The following PTPRG variants were observed in gnomAD, a reference collection of about 807,000 sequenced individuals.
PTPRG encodes protein tyrosine phosphatase receptor type G.
In PTPRG, 102 loss-of-function variants were observed where a neutral mutation model predicts 165.3. The ratio of observed to expected loss-of-function variants is 0.62; its 90% confidence interval spans 0.53 to 0.73. The LOEUF is 0.73. PTPRG is among the 30% of genes least tolerant of loss of function. PTPRG has a pLI of 0.00. For synonymous variants in PTPRG, 675 were observed against 669.5 expected (o/e 1.01, Z -0.13); for missense variants, 1,866 against 1,861.4 (o/e 1.00, Z -0.05).
chr3:61,745,051 C>CTTTTTTTTTTTTTT (rs10669472), intron 1 of PTPRG, among the ~76,000 whole-genome samples: 11 of 111,602 alleles, frequency 9.9e-5, no homozygotes, highest in African/African-American at 2.0e-4. Flanking sequence ...CATTCCCTCA[C>CTTTTTTTTTTTTTT]TTTTTTTTTT....
At chr3:61,567,566 C>T (rs1377077395) in intron 1 of PTPRG, among the ~76,000 whole-genome samples, 5 of 147,482 alleles carry the variant, frequency 3.4e-5, no homozygotes, top group Non-Finnish European at 3.0e-5. Context: ...CTTGGGAGGC[C>T]AAGATGGGAG....
intron 2 of PTPRG, among the ~76,000 whole-genome samples, chr3:61,857,376 A>G (rs2037141008): frequency 6.6e-6 from 1 of 152,156 alleles, no homozygotes; most frequent in Non-Finnish European, 1.5e-5. Flanking sequence ...AACAACTGGT[A>G]GTGGCTCTCT....
chr3:61,818,865 T>G (rs1047149232), intron 2 of PTPRG, among the ~76,000 whole-genome samples: 1 of 91,032 alleles, frequency 1.1e-5, no homozygotes, highest in African/African-American at 5.7e-5. Context: ...TAGTGAATAG[T>G]GAAATAGTGA....
intron 2 of PTPRG, among the ~76,000 whole-genome samples, chr3:61,921,916 G>A (rs1392326333): frequency 6.6e-6 from 1 of 152,128 alleles, no homozygotes; most frequent in African/African-American, 2.4e-5. Flanking sequence ...ATTTGTACAT[G>A]TCACCTTACT....
chr3:61,601,962 G>A (rs1419847606), intron 1 of PTPRG, among the ~76,000 whole-genome samples: 1 of 152,182 alleles, frequency 6.6e-6, no homozygotes, highest in Non-Finnish European at 1.5e-5. Context: ...TTACAACAAC[G>A]CTGTTAGAGC....
intron 12 of PTPRG, among the ~76,000 whole-genome samples, chr3:62,208,566 G>A (rs930566824): frequency 3.3e-5 from 5 of 152,030 alleles, no homozygotes; most frequent in East Asian, 1.9e-4. Flanking sequence ...TTCAGGGGTC[G>A]GCATACCACA....
At chr3:62,124,685 C>G in intron 5 of PTPRG, 1 of 663,394 alleles carries the variant, frequency 1.5e-6, no homozygotes, top group Non-Finnish European at 2.6e-6. Context: ...GCCTGCTGAG[C>G]TAGCTGCGCT....
intron 1 of PTPRG, among the ~76,000 whole-genome samples, chr3:61,651,987 G>T (rs1575564561): frequency 6.6e-6 from 1 of 151,984 alleles, no homozygotes; most frequent in Non-Finnish European, 1.5e-5. Flanking sequence ...TCCAGCCTGG[G>T]CTACACAGCG....
chr3:61,919,898 A>C (rs7626151), intron 2 of PTPRG, among the ~76,000 whole-genome samples: 1,620 of 152,340 alleles, frequency 0.011, 36 homozygotes, highest in South Asian at 0.093. Flanking sequence ...GCAAGGTTTA[A>C]GTAAAAGCAG....
chr3:61,574,155 G>A (rs1700125637), intron 1 of PTPRG, among the ~76,000 whole-genome samples: 1 of 151,846 alleles, frequency 6.6e-6, no homozygotes, highest in African/African-American at 2.4e-5. Context: ...TTAGTGCTTT[G>A]TTCCAGAAAC....
rs772218865 is a variant in PTPRG at position 62,254,794 on chromosome 3, G to A, written c.2468-330G>A. On this transcript the variant is annotated intron_variant, in intron 15 of 29. Transcript: ENST00000474889. The surrounding 1 kb of genome is among the most constrained non-coding windows in gnomAD (Gnocchi z 4.6). ...TGTGATAAAATTTCTTGGCAAATGG[G>A]TACCCTTGATAAATTCACACTTTTA... Among the ~76,000 whole-genome samples, 18 of 151,942 alleles carry A rather than the reference G, an allele frequency of 1.2e-4. No individual in the cohort carries two copies. The highest frequency in any genetic ancestry group is 7.2e-4 in the Admixed American group (11 of 15,228).
chr3:61,804,211 A>C (rs1464606381), intron 2 of PTPRG, among the ~76,000 whole-genome samples: 4 of 152,218 alleles, frequency 2.6e-5, no homozygotes, highest in Non-Finnish European at 5.9e-5. Context: ...GAGCCAAGTC[A>C]GTATTAATCT....
At chr3:61,703,964 A>G (rs888806158) in intron 1 of PTPRG, among the ~76,000 whole-genome samples, 1 of 152,186 alleles carries the variant, frequency 6.6e-6, no homozygotes, top group Non-Finnish European at 1.5e-5. Context: ...CACACTTTAA[A>G]TAACTTATCT....
intron 25 of PTPRG, among the ~76,000 whole-genome samples, 198 bp from the exon 26 acceptor site, chr3:62,277,353 A>C (rs2148881906): frequency 6.6e-6 from 1 of 152,296 alleles, no homozygotes; most frequent in African/African-American, 2.4e-5. Flanking sequence ...CTAGAAGTGA[A>C]CTGCACATGG....
intron 2 of PTPRG, among the ~76,000 whole-genome samples, chr3:61,915,922 C>T (rs2107549604): frequency 6.6e-6 from 1 of 152,316 alleles, no homozygotes; most frequent in African/African-American, 2.4e-5. Context: ...CTGAACAGCA[C>T]AAATAATTGC....
At chr3:62,198,165 A>G (rs1385893880) in intron 10 of PTPRG, among the ~76,000 whole-genome samples, 1 of 152,226 alleles carries the variant, frequency 6.6e-6, no homozygotes, top group Admixed American at 6.5e-5. Context: ...TAACAATAAT[A>G]TAACAATAAT....
chr3:62,093,106 G>C (rs1409070686), intron 5 of PTPRG, among the ~76,000 whole-genome samples: 1 of 152,186 alleles, frequency 6.6e-6, no homozygotes, highest in African/African-American at 2.4e-5. Context: ...GAGATGGCCT[G>C]AACATCGGTA....
intron 2 of PTPRG, among the ~76,000 whole-genome samples, chr3:61,812,929 T>A (rs9843478): frequency 6.6e-6 from 1 of 152,232 alleles, no homozygotes; most frequent in Non-Finnish European, 1.5e-5. Context: ...ACTTTTAGGG[T>A]CTTAAATGCC....
At chr3:61,724,206 A>T (rs1386289970) in intron 1 of PTPRG, among the ~76,000 whole-genome samples, 1 of 97,528 alleles carries the variant, frequency 1.0e-5, no homozygotes, top group East Asian at 3.4e-4. Context: ...ACAGAGTGAG[A>T]CTCCCATCTC....
Sources: allele counts gnomAD v4.1 joint callset (sites outside exome capture counted in the v4.1 genomes callset), GRCh38; gene constraint gnomAD v4.1.1; non-coding constraint Gnocchi (gnomAD v3.1); transcripts MANE v1.5; gene names NCBI Gene and HGNC (gene_info 2026-07-23, HGNC 2026-07-21).